The following NSMCE2 variants were observed in gnomAD, a reference collection of about 807,000 sequenced individuals.
The protein encoded by NSMCE2 is E3 SUMO-protein ligase NSE2.
A neutral mutation model predicts 23.8 loss-of-function variants in NSMCE2; 24 were observed. The observed-to-expected ratio is 1.01, with a 90% CI of 0.73 to 1.42. NSMCE2 has a LOEUF of 1.42. Ranked by LOEUF, NSMCE2 falls within the 40% of genes most tolerant of loss-of-function variation. NSMCE2 has a pLI of 0.00. For missense variants in NSMCE2, 284 were observed against 296.5 expected, an observed-to-expected ratio of 0.96 and a Z score of 0.31; for synonymous variants, 92 against 94.1, an observed-to-expected ratio of 0.98 and a Z score of 0.13.
chr8:125,103,832 T>C (rs1368208063), intron 3 of NSMCE2, among the ~76,000 whole-genome samples: 1 of 123,572 alleles, frequency 8.1e-6, no homozygotes, highest in Non-Finnish European at 1.7e-5. Context: ...AAGTAGAATC[T>C]TTTTTTTTAG....
intron 5 of NSMCE2, among the ~76,000 whole-genome samples, chr8:125,268,498 A>G (rs896577914): frequency 6.6e-6 from 1 of 152,236 alleles, no homozygotes; most frequent in African/African-American, 2.4e-5. Context: ...AAAAGATGGT[A>G]TATTTCATTT....
intron 5 of NSMCE2, among the ~76,000 whole-genome samples, chr8:125,342,237 A>C (rs1830279937): frequency 6.6e-6 from 1 of 152,286 alleles, no homozygotes; most frequent in Non-Finnish European, 1.5e-5. Context: ...TCAGTGAGAA[A>C]GAACATCTGT....
At chr8:125,295,049 G>A (rs1563768416) in intron 5 of NSMCE2, among the ~76,000 whole-genome samples, 1 of 152,174 alleles carries the variant, frequency 6.6e-6, no homozygotes. Context: ...CTTAAAATAG[G>A]TTGGACTTTC....
chr8:125,164,865 T>G (rs1295845843), intron 4 of NSMCE2, among the ~76,000 whole-genome samples: 2 of 152,240 alleles, frequency 1.3e-5, no homozygotes, highest in Admixed American at 6.5e-5. Flanking sequence ...CAGTGCTTGT[T>G]ATGAGCCAGG....
chr8:125,342,035 G>A (rs963577796), intron 5 of NSMCE2, among the ~76,000 whole-genome samples: 1 of 152,158 alleles, frequency 6.6e-6, no homozygotes, highest in Non-Finnish European at 1.5e-5. Context: ...GGGGGTTAAG[G>A]GGAGACTCCT....
intron 5 of NSMCE2, among the ~76,000 whole-genome samples, chr8:125,222,677 T>G (rs1824917135): frequency 6.6e-6 from 1 of 152,206 alleles, no homozygotes; most frequent in Non-Finnish European, 1.5e-5. Context: ...GGTTCATCCA[T>G]GTTGTTGCAA....
chr8:125,364,159 G>A (rs1049139862), intron 7 of NSMCE2, among the ~76,000 whole-genome samples: 1 of 152,078 alleles, frequency 6.6e-6, no homozygotes, highest in East Asian at 1.9e-4. Context: ...GGCCAGGCTG[G>A]TCTCAAACTC....
At chr8:125,328,335 A>G (rs564990902) in intron 5 of NSMCE2, among the ~76,000 whole-genome samples, 2 of 152,290 alleles carry the variant, frequency 1.3e-5, no homozygotes, top group South Asian at 4.1e-4. Context: ...TGTAGTCTCC[A>G]TTTAAGAATC....
chr8:125,290,803 CA>C (rs59630162), intron 5 of NSMCE2, among the ~76,000 whole-genome samples: 33,074 of 152,054 alleles, frequency 0.22, 4,236 homozygotes, highest in African/African-American at 0.36. Flanking sequence ...CTACCACCAC[CA>C]AAAACCCAAG....
intron 3 of NSMCE2, among the ~76,000 whole-genome samples, chr8:125,145,000 T>G (rs1004759218): frequency 6.6e-6 from 1 of 152,124 alleles, no homozygotes; most frequent in Non-Finnish European, 1.5e-5. Flanking sequence ...TTGTTTGACT[T>G]TAGGAAAATC....
intron 5 of NSMCE2, among the ~76,000 whole-genome samples, chr8:125,320,622 G>C (rs1829414333): frequency 6.6e-6 from 1 of 152,020 alleles, no homozygotes; most frequent in African/African-American, 2.4e-5. Flanking sequence ...AAAACTTTCA[G>C]ACTAGAATTC....
intron 5 of NSMCE2, among the ~76,000 whole-genome samples, chr8:125,301,652 A>ATTTT (rs67825410): frequency 1.8e-5 from 2 of 110,668 alleles, no homozygotes; most frequent in African/African-American, 3.2e-5. Context: ...CATACAAGCC[A>ATTTT]TTTTTTTTTT....
At chr8:125,273,954 C>G (rs919931252) in intron 5 of NSMCE2, among the ~76,000 whole-genome samples, 5 of 152,208 alleles carry the variant, frequency 3.3e-5, no homozygotes, top group African/African-American at 1.2e-4. Context: ...CTAAAGCCTC[C>G]CTCCTCCAGG....
chr8:125,104,676 T>C (rs1818370737), intron 3 of NSMCE2, among the ~76,000 whole-genome samples: 1 of 152,166 alleles, frequency 6.6e-6, no homozygotes, highest in African/African-American at 2.4e-5. Context: ...TCCCTCACTC[T>C]CTTGCAAACC....
At chr8:125,138,235 T>A (rs1820168204) in intron 3 of NSMCE2, among the ~76,000 whole-genome samples, 1 of 152,174 alleles carries the variant, frequency 6.6e-6, no homozygotes, top group South Asian at 2.1e-4. Context: ...ATTTATTTTC[T>A]CTTTTAGAGA....
intron 3 of NSMCE2, among the ~76,000 whole-genome samples, chr8:125,135,070 C>A (rs1384582901): frequency 6.6e-6 from 1 of 152,044 alleles, no homozygotes; most frequent in Non-Finnish European, 1.5e-5. Flanking sequence ...ATGCCAACCT[C>A]CATGTCTGGC....
intron 3 of NSMCE2, among the ~76,000 whole-genome samples, chr8:125,133,000 C>CA: frequency 6.6e-6 from 1 of 152,282 alleles, no homozygotes; most frequent in South Asian, 2.1e-4. Context: ...GTTATTAACT[C>CA]AAAGTCTCAG....
intron 5 of NSMCE2, among the ~76,000 whole-genome samples, chr8:125,193,898 C>T (rs1823477814): frequency 6.6e-6 from 1 of 152,172 alleles, no homozygotes; most frequent in African/African-American, 2.4e-5. Context: ...CTCTCATCAT[C>T]CCCATTAACT....
intron 5 of NSMCE2, among the ~76,000 whole-genome samples, chr8:125,184,442 G>A (rs1473392739): frequency 6.6e-6 from 1 of 152,014 alleles, no homozygotes; most frequent in African/African-American, 2.4e-5. Context: ...CAAACCTTAT[G>A]TATATTTATA....
Sources: gnomAD v4.1 joint callset for allele counts (sites outside exome capture counted in the v4.1 genomes callset) on GRCh38, gnomAD v4.1.1 for gene constraint, MANE v1.5 for transcripts, NCBI Gene and HGNC (gene_info 2026-07-23, HGNC 2026-07-21) for gene names.